THSD7B: variants seen among roughly 807,000 people sequenced by gnomAD.
THSD7B encodes thrombospondin type-1 domain-containing protein 7B.
Under a neutral mutation model 213.6 loss-of-function variants are expected in THSD7B, and 138 were observed. That is an observed-to-expected ratio of 0.65 (90% confidence interval 0.56 to 0.74). The LOEUF (loss-of-function observed/expected upper bound fraction) is 0.74, where lower values mean the gene tolerates loss of function less well. Ranked by LOEUF, THSD7B falls within the 30% of genes least tolerant of loss-of-function variation. THSD7B has a pLI of 0.00. For missense variants in THSD7B, 1,931 were observed against 1,991.5 expected (o/e 0.97, Z 0.58); for synonymous variants, 742 against 687.0 (o/e 1.08, Z -1.25).
At chr2:137,410,488 C>T (rs1005734121) in intron 13 of THSD7B, among the ~76,000 whole-genome samples, 3 of 152,022 alleles carry the variant, frequency 2.0e-5, no homozygotes, top group Non-Finnish European at 4.4e-5. Flanking sequence ...AGTCTGGTCT[C>T]GAACTCCTGA....
At chr2:137,644,336 G>T (rs1682990846) in intron 21 of THSD7B, among the ~76,000 whole-genome samples, 1 of 152,164 alleles carries the variant, frequency 6.6e-6, no homozygotes, top group South Asian at 2.1e-4. Context: ...TACCCAAACA[G>T]TGCCAATCAG....
rs74739348 is a variant in THSD7B, at chr2:136,821,030, G to A, written c.-36+55343G>A. 3.6e-3 allele frequency among the ~76,000 whole-genome samples: 544 copies of A among 152,180 alleles called. 22 individuals are homozygous for A. The East Asian group carries it at 0.078, about 22-fold the overall frequency. ...TGCAAGAATAATATTAGGTAGAACC[G>A]TATAAAATTACTAATATTTGGACTT... On this transcript the variant is annotated intron_variant, in intron 1 of 27. Coordinates refer to ENST00000409968, the MANE Select transcript of THSD7B (RefSeq NM_001316349.2).
intron 12 of THSD7B, among the ~76,000 whole-genome samples, chr2:137,356,957 CACACACACAG>C (rs779968393): frequency 0.026 from 3,069 of 117,470 alleles, 49 homozygotes; most frequent in South Asian, 0.034. Flanking sequence ...TACACACACA[CACACACACAG>C]ACACACACAC....
chr2:136,905,249 G>C (rs1307788869), intron 2 of THSD7B, among the ~76,000 whole-genome samples: 5 of 152,130 alleles, frequency 3.3e-5, no homozygotes, highest in African/African-American at 1.2e-4. Context: ...TTAGTTGGCT[G>C]TCAGGCATTT....
intron 3 of THSD7B, among the ~76,000 whole-genome samples, chr2:137,065,919 A>G (rs1385712748): frequency 1.3e-5 from 2 of 152,042 alleles, no homozygotes. Context: ...TGTTGCTATT[A>G]TTTGAACAGA....
chr2:137,160,177 G>C, intron 5 of THSD7B, 36 bp from the exon 6 acceptor site: 2 of 1,591,462 alleles, frequency 1.3e-6, no homozygotes, highest in Non-Finnish European at 1.7e-6. Context: ...GATGTCCAGA[G>C]AATGTGACAT....
chr2:136,940,808 G>GT (rs200517430), intron 2 of THSD7B, among the ~76,000 whole-genome samples: 1,573 of 145,618 alleles, frequency 0.011, 24 homozygotes, highest in African/African-American at 0.037. Flanking sequence ...GTTAAGGGTA[G>GT]TTTTTTTGTA....
rs543006014 is a variant in THSD7B at position 137,141,161 on chromosome 2, A to G, written c.1370-19052A>G. On this transcript the variant is annotated intron_variant, in intron 5 of 27. Coordinates refer to ENST00000409968, the MANE Select transcript of THSD7B (RefSeq NM_001316349.2). ...AGAGCTGGTCCCTTACCAGGGCCAGATGATTCTGAGATGTATTGGCCGAGG... is the reference window on the plus strand; with the variant it reads ...AGAGCTGGTCCCTTACCAGGGCCAGGTGATTCTGAGATGTATTGGCCGAGG... Among the ~76,000 whole-genome samples the G allele has an allele frequency of 9.2e-5, 14 of 152,266 alleles. 1 individual carries two copies. The South Asian group carries it at 2.9e-3, about 32-fold the overall frequency.
chr2:137,372,137 T>A (rs1006798519), intron 12 of THSD7B, among the ~76,000 whole-genome samples: 14 of 152,050 alleles, frequency 9.2e-5, no homozygotes, highest in African/African-American at 3.1e-4. Flanking sequence ...TTTCCTCTTG[T>A]ACTGAATGGA....
chr2:137,472,689 T>G (rs2105094401), intron 15 of THSD7B, among the ~76,000 whole-genome samples: 1 of 152,312 alleles, frequency 6.6e-6, no homozygotes, highest in African/African-American at 2.4e-5. Flanking sequence ...GTAGACCATT[T>G]AGGTAGTTTT....
At chr2:136,864,274 C>CA (rs1683298431) in intron 1 of THSD7B, among the ~76,000 whole-genome samples, 1 of 152,088 alleles carries the variant, frequency 6.6e-6, no homozygotes, top group African/African-American at 2.4e-5. Flanking sequence ...TGGGTACACA[C>CA]AGTGTGTTCT....
At chr2:137,665,535 C>G (rs1429086498) in intron 26 of THSD7B, among the ~76,000 whole-genome samples, 1 of 151,832 alleles carries the variant, frequency 6.6e-6, no homozygotes, top group Non-Finnish European at 1.5e-5. Context: ...TCATTAGGTT[C>G]TCATGGTGAG....
intron 17 of THSD7B, among the ~76,000 whole-genome samples, chr2:137,589,153 G>T (rs925181324): frequency 2.0e-5 from 3 of 152,022 alleles, no homozygotes; most frequent in Non-Finnish European, 4.4e-5. Flanking sequence ...CCTGCCATTT[G>T]ATTTTCTTTT....
intron 17 of THSD7B, among the ~76,000 whole-genome samples, chr2:137,587,816 T>C (rs1447447923): frequency 6.6e-6 from 1 of 152,196 alleles, no homozygotes; most frequent in Non-Finnish European, 1.5e-5. Context: ...CTGTCCATTC[T>C]CCGATCTCAA....
chr2:137,258,190 T>C (rs553323957), intron 10 of THSD7B, among the ~76,000 whole-genome samples: 1 of 152,352 alleles, frequency 6.6e-6, no homozygotes, highest in South Asian at 2.1e-4. Flanking sequence ...GTTGAATTTA[T>C]CCAACTACGT....
At chr2:137,342,405 T>G (rs1363094405) in intron 12 of THSD7B, among the ~76,000 whole-genome samples, 2 of 142,278 alleles carry the variant, frequency 1.4e-5, no homozygotes, top group African/African-American at 2.6e-5. Flanking sequence ...GTTTTTTTTT[T>G]GGTATATTTT....
intron 15 of THSD7B, among the ~76,000 whole-genome samples, chr2:137,517,355 C>A (rs1680090076): frequency 6.6e-6 from 1 of 152,212 alleles, no homozygotes; most frequent in Non-Finnish European, 1.5e-5. Flanking sequence ...ACTGGACTTA[C>A]TGGTAAATCA....
intron 1 of THSD7B, among the ~76,000 whole-genome samples, chr2:136,843,125 C>G (rs1277074288): frequency 6.9e-6 from 1 of 144,630 alleles, no homozygotes; most frequent in Non-Finnish European, 1.5e-5. Flanking sequence ...CCTTTGCTTC[C>G]AAATACGGCA....
intron 15 of THSD7B, among the ~76,000 whole-genome samples, chr2:137,496,630 A>C (rs540662689): frequency 1.3e-5 from 2 of 152,312 alleles, no homozygotes; most frequent in East Asian, 3.9e-4. Flanking sequence ...AACCACGGGC[A>C]ATATTTGCTC....
Sources: gnomAD v4.1 joint callset for allele counts (sites outside exome capture counted in the v4.1 genomes callset) on GRCh38, gnomAD v4.1.1 for gene constraint, MANE v1.5 for transcripts, NCBI Gene and HGNC (gene_info 2026-07-23, HGNC 2026-07-21) for gene names.